The following EYS variants were observed in gnomAD, a reference collection of about 807,000 sequenced individuals.
The protein encoded by EYS is protein eyes shut homolog.
A neutral mutation model predicts 282.1 loss-of-function variants in EYS; 250 were observed. That is an observed-to-expected ratio of 0.89 (90% CI 0.80 to 0.98). EYS has a LOEUF of 0.98. EYS is among the 50% of genes least tolerant of loss of function. The probability of loss-of-function intolerance (pLI) is 0.00; values close to 1 mark genes in which losing one functional copy is unlikely to be tolerated. For synonymous variants in EYS, 1,355 were observed against 1,282.9 expected, an observed-to-expected ratio of 1.06 and a Z score of -1.20; for missense variants, 4,016 against 3,709.0, an observed-to-expected ratio of 1.08 and a Z score of -2.15.
At chr6:65,030,395 ATCCCCACACTGCAGCC>A (rs1323154571) in intron 13 of EYS, among the ~76,000 whole-genome samples, 1 of 152,040 alleles carries the variant, frequency 6.6e-6, no homozygotes, top group East Asian at 1.9e-4. Context: ...TACGCACAGC[ATCCCCACACTGCAGCC>A]TCCCCACACC....
At chr6:64,828,694 C>CA (rs1458021350) in intron 19 of EYS, among the ~76,000 whole-genome samples, 1 of 151,946 alleles carries the variant, frequency 6.6e-6, no homozygotes, top group East Asian at 1.9e-4. Flanking sequence ...TGGCAATCTA[C>CA]AGTAGGTAGT....
At chr6:64,651,235 GA>G (rs1768547173) in intron 22 of EYS, among the ~76,000 whole-genome samples, 1 of 152,062 alleles carries the variant, frequency 6.6e-6, no homozygotes, top group Non-Finnish European at 1.5e-5. Context: ...AATTACTCTG[GA>G]AAAAAGACTA....
intron 30 of EYS, among the ~76,000 whole-genome samples, chr6:64,270,572 G>A (rs1443127015): frequency 6.6e-6 from 1 of 152,126 alleles, no homozygotes; most frequent in Non-Finnish European, 1.5e-5. Context: ...TATATGCGCT[G>A]ATATATAAAG....
chr6:64,477,432 C>G (rs1298762946), intron 26 of EYS, among the ~76,000 whole-genome samples: 2 of 152,064 alleles, frequency 1.3e-5, no homozygotes, highest in Non-Finnish European at 2.9e-5. Context: ...TTGATATACT[C>G]ACTTCAAACT....
rs1049140099 is a variant in EYS at position 63,720,928 on chromosome 6, TATAGCTC to T, written c.9096_9102del (p.Met3032IlefsTer14). ...TTATTACAACAGAATGTGCCATTGT[TATAGCTC>T]ATAGGCACAGAGATTCTTTCTCCCA... On this transcript the variant is annotated frameshift_variant, in exon 43 of 43. Transcript: ENST00000503581. LOFTEE classifies it high-confidence loss of function. 7.1e-6 allele frequency: 11 copies of T among 1,551,090 alleles called. No homozygotes were observed. Among genetic ancestry groups the T allele is most frequent in the African/African-American group, 1.4e-5 (1 of 73,018 alleles).
chr6:64,204,110 C>G (rs1294465990), intron 31 of EYS, among the ~76,000 whole-genome samples: 1 of 152,078 alleles, frequency 6.6e-6, no homozygotes, highest in Non-Finnish European at 1.5e-5. Flanking sequence ...AAATAAACTA[C>G]AGCATGTAAT....
At chr6:64,609,444 C>T (rs1346184664) in intron 24 of EYS, among the ~76,000 whole-genome samples, 2 of 152,080 alleles carry the variant, frequency 1.3e-5, no homozygotes, top group Non-Finnish European at 2.9e-5. Flanking sequence ...GGCTACAGTA[C>T]AGGGTTAGAA....
At chr6:64,004,666 T>G (rs1188421103) in intron 33 of EYS, among the ~76,000 whole-genome samples, 1 of 152,128 alleles carries the variant, frequency 6.6e-6, no homozygotes, top group Non-Finnish European at 1.5e-5. Context: ...GTGTTCCCTT[T>G]GAGCTAAGCA....
intron 5 of EYS, among the ~76,000 whole-genome samples, chr6:65,445,356 T>C (rs970580633): frequency 6.6e-6 from 1 of 152,002 alleles, no homozygotes; most frequent in East Asian, 1.9e-4. Flanking sequence ...GGAAGTATAA[T>C]AGTATTCATC....
chr6:64,234,794 A>G (rs1766531021), intron 30 of EYS, among the ~76,000 whole-genome samples: 3 of 152,096 alleles, frequency 2.0e-5, no homozygotes, highest in Admixed American at 2.0e-4. Flanking sequence ...AAAATCAGAT[A>G]ACATATATAG....
At chr6:63,728,536 CT>C (rs1327651290) in intron 41 of EYS, among the ~76,000 whole-genome samples, 14 of 152,160 alleles carry the variant, frequency 9.2e-5, no homozygotes, top group Non-Finnish European at 2.1e-4. Context: ...GTATTGCCCA[CT>C]AGAGTACATT....
chr6:65,592,539 T>C (rs1765265420), intron 2 of EYS, among the ~76,000 whole-genome samples: 1 of 151,986 alleles, frequency 6.6e-6, no homozygotes, highest in Non-Finnish European at 1.5e-5. Context: ...AGGTATAGGA[T>C]AAGTGATTGA....
At chr6:65,486,498 T>G (rs1765788924) in intron 5 of EYS, among the ~76,000 whole-genome samples, 1 of 152,214 alleles carries the variant, frequency 6.6e-6, no homozygotes, top group Non-Finnish European at 1.5e-5. Flanking sequence ...AAATCAGTTT[T>G]TGAACATTAC....
chr6:65,146,762 G>C (rs1764488797), intron 12 of EYS, among the ~76,000 whole-genome samples: 2 of 151,888 alleles, frequency 1.3e-5, no homozygotes, highest in African/African-American at 2.4e-5. Flanking sequence ...TTTGTCTCAA[G>C]GGTAAGTCTA....
At chr6:65,693,465 G>T (rs1250732217) in intron 1 of EYS, among the ~76,000 whole-genome samples, 2 of 140,596 alleles carry the variant, frequency 1.4e-5, no homozygotes, top group Admixed American at 1.5e-4. Flanking sequence ...TACCAGTGGT[G>T]GTTTATAAAA....
intron 2 of EYS, among the ~76,000 whole-genome samples, chr6:65,528,287 G>T (rs1767642827): frequency 6.6e-6 from 1 of 152,180 alleles, no homozygotes. Context: ...CACTGAAATA[G>T]AATTGATAAC....
chr6:65,073,094 C>T (rs1212587400), intron 12 of EYS, among the ~76,000 whole-genome samples: 2 of 151,360 alleles, frequency 1.3e-5, no homozygotes, highest in Non-Finnish European at 3.0e-5. Flanking sequence ...ATATAGACAA[C>T]ACTCAGATAT....
chr6:64,168,948 TA>T (rs376298715), intron 31 of EYS, among the ~76,000 whole-genome samples: 2 of 152,308 alleles, frequency 1.3e-5, no homozygotes, highest in African/African-American at 4.8e-5. Context: ...AGTCTCAAGG[TA>T]AAAATCAGGT....
chr6:65,405,206 G>A lies in EYS; in HGVS notation c.1024C>T (p.Gln342Ter). 1 of 1,612,128 alleles carries A rather than the reference G, an allele frequency of 6.2e-7. No individual in the cohort carries two copies. Among genetic ancestry groups the A allele is most frequent in the Non-Finnish European group, 8.5e-7 (1 of 1,178,534 alleles). ...DVSEFSLVPCQNGTDCIKISN... is the reference protein window; with the variant it reads ...DVSEFSLVPC ...ATTTTGATGCAGTCAGTACCATTCT[G>A]ACATGGTACTAATGAAAACTCACTG... is the stretch of plus-strand genomic sequence containing the variant. The change falls in exon 6 of 43, where the codon CAG (glutamine) becomes TAG (stop). Residue 342 changes from glutamine to a stop codon, truncating the protein, a stop_gained. Coordinates refer to ENST00000503581, the MANE Select transcript of EYS (RefSeq NM_001142800.2). LOFTEE classifies it high-confidence loss of function.
Sources: gnomAD v4.1 joint callset for allele counts (sites outside exome capture counted in the v4.1 genomes callset) on GRCh38, gnomAD v4.1.1 for gene constraint, MANE v1.5 for transcripts, NCBI Gene and HGNC (gene_info 2026-07-23, HGNC 2026-07-21) for gene names.